Variants in MCCC1 observed in about 807,000 individuals in gnomAD.
MCCC1 encodes the protein methylcrotonyl-CoA carboxylase subunit 1.
In MCCC1, 64 loss-of-function variants were observed where a neutral mutation model predicts 83.8. The observed-to-expected ratio is 0.76, with a 90% CI of 0.62 to 0.94. The LOEUF (loss-of-function observed/expected upper bound fraction) is 0.94. Ranked by LOEUF, MCCC1 falls within the 40% of genes least tolerant of loss-of-function variation. The pLI is 0.00. For synonymous variants in MCCC1, 322 were observed against 315.4 expected (o/e 1.02, Z -0.22); for missense variants, 807 against 904.7 (o/e 0.89, Z 1.39).
intron 7 of MCCC1, 46 bp downstream of exon 7, chr3:183,070,953 T>C (rs778238504): frequency 1.9e-6 from 3 of 1,566,412 alleles, no homozygotes; most frequent in Non-Finnish European, 1.7e-6. Context: ...ATTATTTTTA[T>C]AATTTAATTT....
Position 183,052,244 on chromosome 3 carries a change from T to C in MCCC1, c.874-4A>G. 1 of 1,613,158 alleles carries C rather than the reference T, an allele frequency of 6.2e-7. No individual in the cohort carries two copies. Among genetic ancestry groups the C allele is most frequent in the South Asian group, 1.1e-5 (1 of 91,058 alleles). ...TTACTTCAGATTTAATACCAGGCTA[T>C]GAAAAAAATATGTAAATAAATCTCC... On this transcript the variant is annotated splice_polypyrimidine_tract_variant and splice_region_variant and intron_variant, in intron 8 of 18. Coordinates refer to ENST00000265594, the MANE Select transcript of MCCC1 (RefSeq NM_020166.5).
At chr3:183,114,417 G>A (rs1719554960) in intron 1 of MCCC1, among the ~76,000 whole-genome samples, 1 of 152,066 alleles carries the variant, frequency 6.6e-6, no homozygotes, top group Admixed American at 6.6e-5. Context: ...TCATCTCAAA[G>A]TGTGGCGTTT....
At chr3:183,067,509 C>T (rs568554018) in intron 7 of MCCC1, among the ~76,000 whole-genome samples, 53 of 152,094 alleles carry the variant, frequency 3.5e-4, no homozygotes, top group African/African-American at 1.0e-3. Context: ...AATGGGAAAC[C>T]GGAGAGAGAA....
chr3:183,089,135 AC>A (rs1294111820), intron 3 of MCCC1, among the ~76,000 whole-genome samples: 91 of 152,344 alleles, frequency 6.0e-4, no homozygotes, highest in African/African-American at 2.1e-3. Flanking sequence ...GTTTCTAACC[AC>A]CCTCATCAAC....
At chr3:183,113,713 A>T (rs956232813) in intron 1 of MCCC1, among the ~76,000 whole-genome samples, 14 of 150,674 alleles carry the variant, frequency 9.3e-5, no homozygotes, top group Non-Finnish European at 1.3e-4. Flanking sequence ...AAAAAAAAAT[A>T]AAAAAAAATT....
At chr3:183,041,246 C>A (rs1714059046) in intron 11 of MCCC1, among the ~76,000 whole-genome samples, 1 of 152,164 alleles carries the variant, frequency 6.6e-6, no homozygotes, top group Non-Finnish European at 1.5e-5. Flanking sequence ...CTGCCTTGTG[C>A]ATAGCAGATA....
chr3:183,102,155 G>T (rs1371954006), upstream of MCCC1, among the ~76,000 whole-genome samples: 2 of 152,088 alleles, frequency 1.3e-5, no homozygotes, highest in Non-Finnish European at 2.9e-5. Flanking sequence ...CTTAAGCCTA[G>T]GAGTTTGAGA....
chr3:183,041,219 T>C (rs1640581239), intron 11 of MCCC1, among the ~76,000 whole-genome samples: 1 of 152,246 alleles, frequency 6.6e-6, no homozygotes, highest in Admixed American at 6.5e-5. Context: ...CTTGACTTTA[T>C]GTCCTTTGAA....
chr3:183,098,911 T>C (rs1269558390), intron 1 of MCCC1: 3 of 242,828 alleles, frequency 1.2e-5, no homozygotes, highest in Non-Finnish European at 2.5e-5. Context: ...AAAAATGGCT[T>C]TGAGGGCATC....
intron 1 of MCCC1, among the ~76,000 whole-genome samples, chr3:183,106,080 G>A (rs1355641605): frequency 1.6e-4 from 2 of 12,828 alleles, no homozygotes; most frequent in Non-Finnish European, 2.9e-4. Flanking sequence ...CAGAGAGTCC[G>A]TAAAAAAAAA....
chr3:183,101,311 G>C (rs1719277027), upstream of MCCC1, among the ~76,000 whole-genome samples: 2 of 152,266 alleles, frequency 1.3e-5, no homozygotes, highest in Admixed American at 1.3e-4. Context: ...CTGGCAGGCA[G>C]CTCCACCTGC....
chr3:183,069,601 G>C (rs1169921140), intron 7 of MCCC1, among the ~76,000 whole-genome samples: 1 of 151,992 alleles, frequency 6.6e-6, no homozygotes, highest in African/African-American at 2.4e-5. Context: ...ATACAAAACT[G>C]CAAATACAAA....
At chr3:183,110,954 T>C (rs1296657893) in intron 1 of MCCC1, among the ~76,000 whole-genome samples, 1 of 152,226 alleles carries the variant, frequency 6.6e-6, no homozygotes, top group Non-Finnish European at 1.5e-5. Flanking sequence ...ATTGTAGGTA[T>C]GCAGCTTTAT....
At chr3:183,115,115 C>G (rs1482597455) in intron 1 of MCCC1, among the ~76,000 whole-genome samples, 1 of 152,132 alleles carries the variant, frequency 6.6e-6, no homozygotes, top group East Asian at 1.9e-4. Context: ...GATGCCGGCA[C>G]CCCTCTGACG....
chr3:183,028,464 T>C (rs1019098650), intron 14 of MCCC1, among the ~76,000 whole-genome samples: 4 of 152,186 alleles, frequency 2.6e-5, no homozygotes, highest in Non-Finnish European at 4.4e-5. Context: ...TTAAGAAATA[T>C]ATTTTGTAAG....
At chr3:183,067,665 G>A (rs1304291959) in intron 7 of MCCC1, among the ~76,000 whole-genome samples, 1 of 152,220 alleles carries the variant, frequency 6.6e-6, no homozygotes, top group African/African-American at 2.4e-5. Flanking sequence ...AGAAACAGGA[G>A]GGACTGGTAA....
intron 9 of MCCC1, 100 bp downstream of exon 9, chr3:183,052,059 G>T: frequency 1.9e-6 from 2 of 1,072,054 alleles, no homozygotes; most frequent in Non-Finnish European, 2.9e-6. Flanking sequence ...GGTCAAAACA[G>T]CTTGAAAGCA....
intron 2 of MCCC1, among the ~76,000 whole-genome samples, chr3:183,094,124 T>C (rs190844519): frequency 2.0e-5 from 3 of 151,294 alleles, no homozygotes; most frequent in Admixed American, 1.3e-4. Flanking sequence ...TCTTGGCTCA[T>C]TGCAACCTGC....
chr3:183,044,194 C>T (rs1279314996), intron 10 of MCCC1, among the ~76,000 whole-genome samples: 1 of 152,094 alleles, frequency 6.6e-6, no homozygotes. Context: ...CAAGGAACCA[C>T]GAATCCTACA....
Sources: gnomAD v4.1 joint callset for allele counts (sites outside exome capture counted in the v4.1 genomes callset) on GRCh38, gnomAD v4.1.1 for gene constraint, MANE v1.5 for transcripts, NCBI Gene and HGNC (gene_info 2026-07-23, HGNC 2026-07-21) for gene names.